The following ZNF483 variants were observed in gnomAD, a reference collection of about 807,000 sequenced individuals.
ZNF483 encodes the protein zinc finger protein 483, also known as zinc finger protein HIT-10.
A neutral mutation model predicts 28.6 loss-of-function variants in ZNF483; 9 were observed. The observed-to-expected ratio is 0.32, with a 90% confidence interval of 0.19 to 0.55. The LOEUF is 0.55. Among genes scored for constraint, ZNF483 ranks in the 20% least tolerant of loss-of-function variants. The probability of loss-of-function intolerance (pLI) is 0.93; values close to 1 mark genes in which losing one functional copy is unlikely to be tolerated. For missense variants in ZNF483, 675 were observed against 871.7 expected (o/e 0.77, Z 2.84); for synonymous variants, 322 against 306.2 (o/e 1.05, Z -0.54).
rs1044124655 is a variant in ZNF483 at position 111,546,423 on chromosome 9, G to GC, written c.*3256dup. Reference sequence around the variant, plus strand: ...AATTGCCTGCAGGACATTCAGTCTGGCCCATCACCCAAATATTTAAATTCA... The same window carrying GC: ...AATTGCCTGCAGGACATTCAGTCTGGCCCCATCACCCAAATATTTAAATTCA... On this transcript the variant is annotated 3_prime_UTR_variant, in exon 6 of 6. Coordinates refer to ENST00000309235, the MANE Select transcript of ZNF483 (RefSeq NM_133464.5). Among the ~76,000 whole-genome samples the GC allele has an allele frequency of 6.6e-6, 1 of 152,058 alleles. No individual in the cohort carries two copies. Among genetic ancestry groups the GC allele is most frequent in the Non-Finnish European group, 1.5e-5 (1 of 67,958 alleles).
rs1260806758 is a variant in ZNF483 at position 111,546,416 on chromosome 9, C to T, written c.*3246C>T. ...TCTGTATAATTGCCTGCAGGACATTCAGTCTGGCCCATCACCCAAATATTT... is the reference window on the plus strand; with the variant it reads ...TCTGTATAATTGCCTGCAGGACATTTAGTCTGGCCCATCACCCAAATATTT... On this transcript the variant is annotated 3_prime_UTR_variant, in exon 6 of 6. Transcript: ENST00000309235. Among the ~76,000 whole-genome samples, 1 of 152,172 alleles carries T rather than the reference C, an allele frequency of 6.6e-6. No homozygotes were observed. The highest frequency in any genetic ancestry group is 6.6e-5 in the Admixed American group (1 of 15,260).
At chr9:111,539,329 A>G in intron 5 of ZNF483, 1 of 380,938 alleles carries the variant, frequency 2.6e-6, no homozygotes, top group Non-Finnish European at 5.3e-6. Context: ...AAAGATTTAA[A>G]GAATATTTGA....
At chr9:111,558,288 A>G (rs1047588242), downstream of ZNF483, among the ~76,000 whole-genome samples, 1 of 152,044 alleles carries the variant, frequency 6.6e-6, no homozygotes, top group African/African-American at 2.4e-5. Flanking sequence ...TGGAGCTCAA[A>G]TTTTCCATGA....
chr9:111,572,777 A>AT (rs1462809093), intron 5 of ZNF483, among the ~76,000 whole-genome samples: 3 of 150,374 alleles, frequency 2.0e-5, no homozygotes, highest in Non-Finnish European at 4.4e-5. Context: ...AAAAAAAAAA[A>AT]AAATTAAAAA....
chr9:111,566,923 C>T (rs370813394), intron 5 of ZNF483, among the ~76,000 whole-genome samples: 7 of 151,862 alleles, frequency 4.6e-5, no homozygotes, highest in East Asian at 1.9e-4. Flanking sequence ...CCCTTCTCTA[C>T]GAAAAACACA....
At position 111,554,885 on chromosome 9, in the gene ZNF483, C is replaced by CT. The variant is rs1211498156; in HGVS notation, c.*11718dup. Among the ~76,000 whole-genome samples, 2 of 152,154 alleles carry CT rather than the reference C, an allele frequency of 1.3e-5. No homozygotes were observed. The highest frequency in any genetic ancestry group is 2.4e-5 in the African/African-American group (1 of 41,432). ...AGGGTCTACAACTGAAGTCCAGGGT[C>CT]TTTGAGTTAGATGCTTTGAGTGTGA... On this transcript the variant is annotated 3_prime_UTR_variant, in exon 6 of 6. Coordinates refer to ENST00000309235, the MANE Select transcript of ZNF483 (RefSeq NM_133464.5).
intron 5 of ZNF483, chr9:111,574,825 T>C: frequency 6.2e-7 from 1 of 1,613,656 alleles, no homozygotes; most frequent in South Asian, 1.1e-5. Flanking sequence ...TAACAGTGTT[T>C]GAAAACTCTC....
chr9:111,565,168 C>A (rs1373585859), intron 5 of ZNF483, among the ~76,000 whole-genome samples: 1 of 151,720 alleles, frequency 6.6e-6, no homozygotes, highest in Non-Finnish European at 1.5e-5. Flanking sequence ...CACAGGTGGG[C>A]CTTAATCAAT....
In ZNF483 at chr9:111,567,030, G is replaced by A. The variant is rs189604535; in HGVS notation, c.722-9335G>A. Among the ~76,000 whole-genome samples the A allele has an allele frequency of 6.6e-5, 10 of 151,536 alleles. No individual in the cohort carries two copies. The East Asian group carries it at 1.9e-3, about 30-fold the overall frequency. On this transcript the variant is annotated intron_variant, in intron 5 of 5. Coordinates refer to the ZNF483 transcript ENST00000358151. ...CCTGAGCCTGGGTCAAGGCTGTGGT[G>A]AGCCATGATCACGGCACTGCACTCC...
In ZNF483 at chr9:111,543,253, T is replaced by C; in HGVS notation, c.*83T>C. 3 of 1,497,194 alleles carry C rather than the reference T, an allele frequency of 2.0e-6. No homozygotes were observed. The South Asian group carries it at 4.2e-5, about 21-fold the overall frequency. The allele number at this position is 1,497,194 out of a possible 1,614,324, so 92.7% of individuals were successfully genotyped here. On this transcript the variant is annotated 3_prime_UTR_variant, in exon 6 of 6. Transcript: ENST00000309235. ...CTGGGATGTAAACTTACAGTATTGA[T>C]CAGTAGCTGCAGCTTTCGTAAATTG...
chr9:111,546,310 TA>T lies in ZNF483; in HGVS notation c.*3143del, dbSNP rs1251014482. On this transcript the variant is annotated 3_prime_UTR_variant, in exon 6 of 6. Coordinates refer to ENST00000309235, the MANE Select transcript of ZNF483 (RefSeq NM_133464.5). ...AGTCCTTTATCCAATATGAACTTTC[TA>T]AATACCATGTACTAGCTACAGAGAG... Among the ~76,000 whole-genome samples, 1 of 152,184 alleles carries T rather than the reference TA, an allele frequency of 6.6e-6. No individual in the cohort carries two copies. Among genetic ancestry groups the T allele is most frequent in the Non-Finnish European group, 1.5e-5 (1 of 68,006 alleles).
chr9:111,530,756 AATATATATATATAT>A (rs60541488), intron 2 of ZNF483, 105 bp from the exon 3 acceptor site: 200 of 70,566 alleles, frequency 2.8e-3, no homozygotes, highest in Non-Finnish European at 4.5e-3. Context: ...ATCACTTAGA[AATATATATATATAT>A]ATATATATAT....
chr9:111,575,966 C>A (rs1369419846), intron 5 of ZNF483, among the ~76,000 whole-genome samples: 3 of 151,714 alleles, frequency 2.0e-5, no homozygotes, highest in African/African-American at 7.3e-5. Flanking sequence ...CCAGCCTGGG[C>A]AACATAGTGA....
At chr9:111,575,465 A>G (rs913115672) in intron 5 of ZNF483, 1 of 152,238 alleles carries the variant, frequency 6.6e-6, no homozygotes, top group African/African-American at 2.4e-5. Context: ...CAAAAGGTGT[A>G]TAGAGAACAA....
Position 111,543,776 on chromosome 9 carries a change from CT to C in ZNF483, c.*618del, listed in dbSNP as rs1443969951. 0.022 allele frequency: 11,851 copies of C among 529,934 alleles called. No homozygotes were observed. Among genetic ancestry groups the C allele is most frequent in the Non-Finnish European group, 0.025 (10,891 of 437,506 alleles). The allele number at this position is 529,934 out of a possible 1,614,324, so 32.8% of individuals were successfully genotyped here. ...GCTGGACTTCTTTTCTTTTTTTTTT[CT>C]TTTTTTTTTTTCAATTTTTCTTTTT... On this transcript the variant is annotated 3_prime_UTR_variant, in exon 6 of 6. Transcript: ENST00000309235.
chr9:111,574,604 TAAAA>T (rs35972893), intron 5 of ZNF483: 46 of 490,126 alleles, frequency 9.4e-5, no homozygotes, highest in East Asian at 1.6e-4. Context: ...GACTCTGTCT[TAAAA>T]AAAAAAAAAA....
At position 111,544,076 on chromosome 9, in the gene ZNF483, CT is replaced by C; in HGVS notation, c.*910del. ...TTAATCGGACAAGGGAACTCTTTTTCTTTTGGGCATTGGCCAACAGGACTGA... is the reference window on the plus strand; with the variant it reads ...TTAATCGGACAAGGGAACTCTTTTTCTTTGGGCATTGGCCAACAGGACTGA... On this transcript the variant is annotated 3_prime_UTR_variant, in exon 6 of 6. Coordinates refer to ENST00000309235, the MANE Select transcript of ZNF483 (RefSeq NM_133464.5). 1 of 985,344 alleles carries C rather than the reference CT, an allele frequency of 1.0e-6. No homozygotes were observed. The highest frequency in any genetic ancestry group is 1.2e-6 in the Non-Finnish European group (1 of 829,928). 61.0% of individuals were successfully genotyped at this position (985,344 alleles called of 1,614,324 possible).
rs145744177 is a variant in ZNF483, at chr9:111,543,760, CTTTTCTTTTTT to C, written c.*606_*616del. 61,885 of 882,016 alleles carry C rather than the reference CTTTTCTTTTTT, an allele frequency of 0.07. 1,008 individuals carry two copies. The highest frequency in any genetic ancestry group is 0.26 in the East Asian group (2,068 of 7,886). The allele number at this position is 882,016 out of a possible 1,614,324, so 54.6% of individuals were successfully genotyped here. A position where few individuals can be genotyped will look rare whatever the true frequency, so the allele number is the denominator to read the frequency against. ...TACCACTATTCAGGATGCTGGACTT[CTTTTCTTTTTT>C]TTTTCTTTTTTTTTTTTCAATTTTT... is the stretch of plus-strand genomic sequence containing the variant. On this transcript the variant is annotated 3_prime_UTR_variant, in exon 6 of 6. Transcript: ENST00000309235.
chr9:111,530,792 TATATATATAC>T (rs1459116610), intron 2 of ZNF483, 73 bp from the exon 3 acceptor site: 2,347 of 74,336 alleles, frequency 0.032, 233 homozygotes, highest in Middle Eastern at 0.048. Flanking sequence ...TATATATATA[TATATATATAC>T]ATATATATAT....
Sources: gnomAD v4.1 joint callset for allele counts (sites outside exome capture counted in the v4.1 genomes callset) on GRCh38, gnomAD v4.1.1 for gene constraint, MANE v1.5 for transcripts, NCBI Gene and HGNC (gene_info 2026-07-23, HGNC 2026-07-21) for gene names.